Variants in HEPACAM2 observed in about 807,000 individuals in gnomAD.
HEPACAM2 encodes the protein HEPACAM family member 2, also known as mitotic kinetics regulator.
HEPACAM2 carries 49 observed loss-of-function variants against 49.6 expected under a neutral mutation model. The observed-to-expected ratio is 0.99, with a 90% CI of 0.78 to 1.25. The LOEUF (loss-of-function observed/expected upper bound fraction) is 1.25, where lower values mean the gene tolerates loss of function less well. Among genes scored for constraint, HEPACAM2 ranks in the 50% most tolerant of loss-of-function variants. The pLI is 0.00. For synonymous variants in HEPACAM2, 197 were observed against 202.9 expected (o/e 0.97, Z 0.25); for missense variants, 525 against 557.2 (o/e 0.94, Z 0.58).
intron 5 of HEPACAM2, 24 bp downstream of exon 5, chr7:93,197,459 ATT>A (rs374966239): frequency 1.4e-6 from 2 of 1,394,218 alleles, no homozygotes; most frequent in African/African-American, 1.5e-5. Context: ...TACAGCTTCA[ATT>A]TTTTTTTTGT....
rs148203128 is a variant in HEPACAM2, at chr7:93,208,762, G to C, written c.830C>G (p.Pro277Arg). The C allele has an allele frequency of 5.0e-6, 8 of 1,612,992 alleles. No homozygotes were observed. Among genetic ancestry groups the C allele is most frequent in the African/African-American group, 4.0e-5 (3 of 74,822 alleles). The change falls in exon 4 of 10, where the codon CCC becomes CGC. Residue 277 changes from proline (P) to arginine (R), a missense_variant. Physicochemically the swap from Pro to Arg is moderately radical, Grantham distance 103. Coordinates refer to ENST00000394468, the MANE Select transcript of HEPACAM2 (RefSeq NM_001039372.4). The stretch of plus-strand genomic sequence containing the variant: ...CCTCCTAATCCAGGAGTAGGTGTTG[G>C]GGGGATGAGAATCAGCAGAACAATC... ...LFDCSADSHP[P>R]NTYSWIRRTD...
rs575746875 is a variant in HEPACAM2, at chr7:93,221,354, A to G, written c.80-1903T>C. ...TACATTTTTTTGATTTCATTCTACT[A>G]GAAAGGGAGTCCTCAAGCTTCATCC... On this transcript the variant is annotated intron_variant, in intron 1 of 9. Transcript: ENST00000394468. Among the ~76,000 whole-genome samples, 181 of 152,266 alleles carry G rather than the reference A, an allele frequency of 1.2e-3. 1 individual carries two copies. The highest frequency in any genetic ancestry group is 4.2e-3 in the African/African-American group (173 of 41,560).
chr7:93,223,543 A>G (rs543509040), intron 1 of HEPACAM2, among the ~76,000 whole-genome samples: 19 of 152,182 alleles, frequency 1.2e-4, no homozygotes, highest in Non-Finnish European at 2.1e-4. Context: ...GGTCTATTTT[A>G]GACTGCATCA....
chr7:93,205,906 T>G (rs946205338), intron 4 of HEPACAM2, among the ~76,000 whole-genome samples: 70 of 152,270 alleles, frequency 4.6e-4, no homozygotes, highest in African/African-American at 1.6e-3. Flanking sequence ...AATAAGCACC[T>G]GCTCTTCTTA....
At chr7:93,192,152 G>A in intron 9 of HEPACAM2, 102 bp downstream of exon 9, 2 of 736,084 alleles carry the variant, frequency 2.7e-6, no homozygotes, top group Non-Finnish European at 4.4e-6. Context: ...ATAATTTCTT[G>A]TTTTGGTATT....
chr7:93,212,975 T>G (rs1794213584), intron 3 of HEPACAM2, among the ~76,000 whole-genome samples: 1 of 152,118 alleles, frequency 6.6e-6, no homozygotes, highest in African/African-American at 2.4e-5. Context: ...ACCCTTTGCC[T>G]TGGGGATGGC....
Position 93,188,885 on chromosome 7 carries a change from T to G in HEPACAM2, c.*382A>C. ...AATCGAACAATGTAAAGTTTCCACA[T>G]TTGTAGGTGAGACAGGATAGTCTCA... On this transcript the variant is annotated 3_prime_UTR_variant, in exon 10 of 10. Coordinates refer to ENST00000394468, the MANE Select transcript of HEPACAM2 (RefSeq NM_001039372.4). 2.5e-6 allele frequency: 1 copy of G among 394,416 alleles called. No homozygotes were observed. The highest frequency in any genetic ancestry group is 3.6e-5 in the East Asian group (1 of 27,958). The allele number at this position is 394,416 out of a possible 1,614,324, so 24.4% of individuals were successfully genotyped here.
intron 1 of HEPACAM2, among the ~76,000 whole-genome samples, chr7:93,225,458 C>A (rs899032135): frequency 3.3e-5 from 5 of 152,074 alleles, no homozygotes; most frequent in African/African-American, 1.2e-4. Context: ...ACAATGCAAA[C>A]TTTAACAAAA....
At position 93,203,258 on chromosome 7, in the gene HEPACAM2, C is replaced by G. The variant is rs984854000; in HGVS notation, c.1012+5322G>C. On this transcript the variant is annotated intron_variant, in intron 4 of 9. Transcript: ENST00000394468. ...GCTCTCTGCTCTCAACACTGCTCCT[C>G]TATCCCAGAACACACAAGATTTACT... is the stretch of plus-strand genomic sequence containing the variant. Among the ~76,000 whole-genome samples the G allele has an allele frequency of 2.6e-5, 4 of 152,168 alleles. No homozygotes were observed. The East Asian group carries it at 7.7e-4, about 29-fold the overall frequency.
chr7:93,207,198 G>C (rs901980546), intron 4 of HEPACAM2, among the ~76,000 whole-genome samples: 1 of 152,024 alleles, frequency 6.6e-6, no homozygotes, highest in African/African-American at 2.4e-5. Context: ...CTGTATTATG[G>C]GTCTTTTTCT....
At chr7:93,208,510 G>T in intron 4 of HEPACAM2, 70 bp downstream of exon 4, 2 of 1,304,994 alleles carry the variant, frequency 1.5e-6, no homozygotes, top group Non-Finnish European at 2.2e-6. Context: ...CTAGGTATAA[G>T]ATAGGGGAAG....
At position 93,191,368 on chromosome 7, in the gene HEPACAM2, A is replaced by G. The variant is rs189057665; in HGVS notation, c.1385+886T>C. ...CCCCCCAGCACTAGGTTTCCTCACC[A>G]TAAGATGATTTTTCCTGGATTTGTT... is the stretch of plus-strand genomic sequence containing the variant. On this transcript the variant is annotated intron_variant, in intron 9 of 9. Transcript: ENST00000394468. 1.9e-3 allele frequency among the ~76,000 whole-genome samples: 286 copies of G among 152,176 alleles called. 1 individual carries two copies. The highest frequency in any genetic ancestry group is 5.5e-3 in the Admixed American group (84 of 15,266).
intron 1 of HEPACAM2, among the ~76,000 whole-genome samples, chr7:93,220,263 C>T (rs1227051061): frequency 1.3e-5 from 2 of 152,102 alleles, no homozygotes; most frequent in Admixed American, 1.3e-4. Context: ...TGAGAATACA[C>T]AGGAATAGGG....
rs1484749212 is a variant in HEPACAM2, at chr7:93,215,523, G to C, written c.593C>G (p.Ser198Cys). 7 of 1,613,858 alleles carry C rather than the reference G, an allele frequency of 4.3e-6. No individual in the cohort carries two copies. Among genetic ancestry groups the C allele is most frequent in the Non-Finnish European group, 5.9e-6 (7 of 1,179,866 alleles). Residue 198 changes from serine (S) to cysteine (C), a missense_variant, in exon 3 of 10, where the codon TCT (serine) becomes TGT (cysteine). By Grantham distance (112) the Ser-to-Cys change is moderately radical. Coordinates refer to ENST00000394468, the MANE Select transcript of HEPACAM2 (RefSeq NM_001039372.4). ...AATATGAAGGGTATTGTTTTGGGGA[G>C]AAAAGGAGTAGGTGGAGCTGGTGTG... The part of the protein sequence containing the change: ...PVHTSSTYSF[S>C]PQNNTLHIAP...
At position 93,192,254 on chromosome 7, in the gene HEPACAM2, T is replaced by C. The variant is rs1249316276; in HGVS notation, c.1385A>G (p.Glu462Gly). 1.4e-5 allele frequency: 22 copies of C among 1,607,082 alleles called. No homozygotes were observed. Among genetic ancestry groups the C allele is most frequent in the Non-Finnish European group, 1.9e-5 (22 of 1,174,144 alleles). Residue 462 changes from glutamate (E) to glycine (G), a missense_variant and splice_region_variant, in exon 9 of 10, where the codon GAG (glutamate) becomes GGG (glycine). Physicochemically the swap from Glu to Gly is moderately conservative, Grantham distance 98. Transcript: ENST00000394468. ...CCATCAAATGCAGATTCGTACTTAC[T>C]CTGGATGGTCTTGCTGCTGGGCAGG... ...HIPAQQQDHP[E>G]
chr7:93,191,608 C>G (rs1793548536), intron 9 of HEPACAM2, among the ~76,000 whole-genome samples: 1 of 152,082 alleles, frequency 6.6e-6, no homozygotes, highest in African/African-American at 2.4e-5. Flanking sequence ...TTTATTATTT[C>G]AAAAGATTGT....
At chr7:93,224,960 G>T (rs1001773672) in intron 1 of HEPACAM2, among the ~76,000 whole-genome samples, 2 of 152,094 alleles carry the variant, frequency 1.3e-5, no homozygotes, top group Non-Finnish European at 2.9e-5. Context: ...GTCATCTGTG[G>T]TCTTTACAAC....
intron 4 of HEPACAM2, among the ~76,000 whole-genome samples, chr7:93,200,757 T>C (rs1361490336): frequency 2.0e-5 from 3 of 152,156 alleles, no homozygotes; most frequent in Non-Finnish European, 4.4e-5. Context: ...TGTCATGCAT[T>C]TATATGATTA....
chr7:93,200,570 T>C (rs1369381750), intron 4 of HEPACAM2, among the ~76,000 whole-genome samples: 1 of 152,152 alleles, frequency 6.6e-6, no homozygotes, highest in African/African-American at 2.4e-5. Context: ...GATCGTTATT[T>C]ACTCAATTTT....
Sources: gnomAD v4.1 joint callset for allele counts (sites outside exome capture counted in the v4.1 genomes callset) on GRCh38, gnomAD v4.1.1 for gene constraint, MANE v1.5 for transcripts, NCBI Gene and HGNC (gene_info 2026-07-23, HGNC 2026-07-21) for gene names.